The following SCUBE1 variants were observed in gnomAD, a reference collection of about 807,000 sequenced individuals.
SCUBE1 encodes the protein signal peptide, CUB and EGF-like domain-containing protein 1.
In SCUBE1, 59 loss-of-function variants were observed where a neutral mutation model predicts 124.4. The ratio of observed to expected loss-of-function variants is 0.47; its 90% confidence interval spans 0.38 to 0.59. The LOEUF is 0.59. Among genes scored for constraint, SCUBE1 ranks in the 20% least tolerant of loss-of-function variants. SCUBE1 has a pLI of 0.00. For missense variants in SCUBE1, 1,150 were observed against 1,371.2 expected (o/e 0.84, Z 2.55); for synonymous variants, 545 against 550.9 (o/e 0.99, Z 0.15).
Position 43,210,480 on chromosome 22 carries a change from T to G in SCUBE1, c.2384-240A>C, listed in dbSNP as rs1601795742. On this transcript the variant is annotated intron_variant, in intron 18 of 21. Coordinates refer to ENST00000360835, the MANE Select transcript of SCUBE1 (RefSeq NM_173050.5). The surrounding 1 kb of genome is among the most constrained non-coding windows in gnomAD (Gnocchi z 4.5). ...TTCCCTGAGGCCCAGCCTGGGGGCT[T>G]CTTCTTACTGGGCTGCCATGCCTGC... Among the ~76,000 whole-genome samples the G allele has an allele frequency of 3.3e-5, 5 of 152,218 alleles. 1 individual carries two copies. The highest frequency in any genetic ancestry group is 9.6e-5 in the African/African-American group (4 of 41,548).
chr22:43,316,171 C>T (rs1926340972), intron 3 of SCUBE1, among the ~76,000 whole-genome samples: 1 of 152,216 alleles, frequency 6.6e-6, no homozygotes, highest in African/African-American at 2.4e-5. Flanking sequence ...CTCATTTAAT[C>T]CTCACAAGAG....
At chr22:43,318,323 C>T (rs1926423045) in intron 3 of SCUBE1, 1 of 152,060 alleles carries the variant, frequency 6.6e-6, no homozygotes, top group African/African-American at 2.4e-5. Context: ...GTTCCAGAGG[C>T]CTGGGCAATA....
intron 4 of SCUBE1, among the ~76,000 whole-genome samples, chr22:43,285,960 C>T (rs1412742967): frequency 6.6e-6 from 1 of 152,198 alleles, no homozygotes; most frequent in Non-Finnish European, 1.5e-5. Flanking sequence ...CAAAGCTGGC[C>T]TCTTGATCCT....
intron 3 of SCUBE1, 25 bp downstream of exon 3, chr22:43,319,912 G>A: frequency 1.2e-6 from 2 of 1,612,984 alleles, no homozygotes; most frequent in Non-Finnish European, 1.7e-6. Flanking sequence ...GTGCCCAGAG[G>A]GTAGGCTACA....
intron 6 of SCUBE1, among the ~76,000 whole-genome samples, chr22:43,239,571 C>T (rs1922916730): frequency 6.6e-6 from 1 of 152,214 alleles, no homozygotes; most frequent in Non-Finnish European, 1.5e-5. Context: ...CTTTTTTCTC[C>T]AAAATTCAAA....
At chr22:43,229,036 C>CGG in intron 9 of SCUBE1, 36 bp downstream of exon 9, 1 of 1,499,616 alleles carries the variant, frequency 6.7e-7, no homozygotes. Flanking sequence ...GCGCGTGCCT[C>CGG]GGGGGGGAGG....
intron 15 of SCUBE1, among the ~76,000 whole-genome samples, chr22:43,217,739 G>A (rs866678665): frequency 2.6e-5 from 4 of 152,068 alleles, no homozygotes; most frequent in African/African-American, 7.2e-5. Context: ...CCTGTCCTGC[G>A]TCCAGGCTCT....
At position 43,281,530 on chromosome 22, in the gene SCUBE1, C is replaced by T. The variant is rs868254614; in HGVS notation, c.484+9516G>A. On this transcript the variant is annotated intron_variant, in intron 4 of 21. Transcript: ENST00000360835. ...CTCCTCCTCAGCCACCCTCCTGTCA[C>T]CTCCCTCAGTCACCCTCCTGTCACC... Among the ~76,000 whole-genome samples, 117 of 81,800 alleles carry T rather than the reference C, an allele frequency of 1.4e-3. 7 individuals carry two copies. The highest frequency in any genetic ancestry group is 5.7e-3 in the African/African-American group (85 of 14,900). The allele number at this position is 81,800 out of a possible 152,430, so 53.7% of individuals were successfully genotyped here. A position where few individuals can be genotyped will look rare whatever the true frequency, so the allele number is the denominator to read the frequency against.
intron 6 of SCUBE1, among the ~76,000 whole-genome samples, chr22:43,250,838 C>A (rs536468387): frequency 6.6e-6 from 1 of 152,302 alleles, no homozygotes; most frequent in African/African-American, 2.4e-5. Context: ...CTGCTGATGT[C>A]GTGCCCACAG....
At chr22:43,264,058 G>C (rs1484857631) in intron 4 of SCUBE1, among the ~76,000 whole-genome samples, 1 of 152,180 alleles carries the variant, frequency 6.6e-6, no homozygotes, top group Non-Finnish European at 1.5e-5. Context: ...CAATTTACGT[G>C]GGATAAATAC....
At chr22:43,204,220 G>T (rs538026823) in intron 21 of SCUBE1, 71 bp from the exon 22 acceptor site, 36 of 1,435,432 alleles carry the variant, frequency 2.5e-5, no homozygotes, top group Non-Finnish European at 3.3e-5. Context: ...TTGCCAGGCT[G>T]GGGGAGGGGA....
At chr22:43,294,339 G>A (rs755607753) in intron 3 of SCUBE1, among the ~76,000 whole-genome samples, 1 of 152,194 alleles carries the variant, frequency 6.6e-6, no homozygotes, top group Non-Finnish European at 1.5e-5. Context: ...CTTCAAGTGG[G>A]CCCCACACTG....
At position 43,208,135 on chromosome 22, in the gene SCUBE1, G is replaced by A; in HGVS notation, c.2671C>T (p.Gln891Ter). ...CTGTTGCCTTCATTGGATTTGAACT[G>A]GATCCAGAGCTTGCGGGAGCGGGAG... ...FTSRSRKLWI[Q>*]FKSNEGNSGK... The change falls in exon 20 of 22, where the codon CAG becomes TAG. Residue 891 changes from glutamine to a stop codon, truncating the protein, a stop_gained. Coordinates refer to ENST00000360835, the MANE Select transcript of SCUBE1 (RefSeq NM_173050.5). LOFTEE classifies it high-confidence loss of function. 2 of 1,614,158 alleles carry A rather than the reference G, an allele frequency of 1.2e-6. No individual in the cohort carries two copies. The highest frequency in any genetic ancestry group is 1.1e-5 in the South Asian group (1 of 91,084).
At chr22:43,215,914 C>T (rs1301614244) in intron 15 of SCUBE1, among the ~76,000 whole-genome samples, 1 of 143,206 alleles carries the variant, frequency 7.0e-6, no homozygotes, top group African/African-American at 2.9e-5. Context: ...CACACTCACA[C>T]ACATGCACAC....
chr22:43,328,679 C>T (rs1926806074), intron 2 of SCUBE1, among the ~76,000 whole-genome samples: 1 of 152,214 alleles, frequency 6.6e-6, no homozygotes, highest in Admixed American at 6.5e-5. Context: ...TTCTTTCTCT[C>T]ATCTCGGGAT....
Position 43,258,252 on chromosome 22 carries a change from A to T in SCUBE1, c.694T>A (p.Tyr232Asn). The T allele has an allele frequency of 6.2e-7, 1 of 1,613,930 alleles. No homozygotes were observed. The highest frequency in any genetic ancestry group is 8.5e-7 in the Non-Finnish European group (1 of 1,179,910). The change falls in exon 6 of 22, where the codon TAC becomes AAC. Residue 232 changes from tyrosine to asparagine, a missense_variant. Tyr to Asn is a moderately radical substitution (Grantham distance 143). Around this residue, in one of 3 missense-constraint regions of SCUBE1, gnomAD observed 337 missense variants for 482.1 expected, o/e 0.70. Transcript: ENST00000360835. The surrounding 1 kb of genome is among the most constrained non-coding windows in gnomAD (Gnocchi z 5.0). ...TGPTCGCHQK[Y>N]ALHSDGRTCI... ...GTGCGACCGTCTGAGTGGAGGGCGT[A>T]CTTCTGGTGGCAACCACACGTGGGG...
intron 3 of SCUBE1, among the ~76,000 whole-genome samples, chr22:43,314,675 T>C (rs1158749290): frequency 6.6e-6 from 1 of 152,130 alleles, no homozygotes; most frequent in Non-Finnish European, 1.5e-5. Flanking sequence ...TCAGGGTAAA[T>C]GGCCAAAGCT....
Position 43,207,521 on chromosome 22 carries a change from T to C in SCUBE1, c.2814+13A>G, listed in dbSNP as rs1341259916. 6.2e-7 allele frequency: 1 copy of C among 1,605,848 alleles called. No homozygotes were observed. Among genetic ancestry groups the C allele is most frequent in the Non-Finnish European group, 8.5e-7 (1 of 1,172,666 alleles). On this transcript the variant is annotated intron_variant, in intron 21 of 21. Transcript: ENST00000360835. ...CAGGGTTACGTGGATTCCCTTCCAATAAACTCACTCACTTTCAAAATTTCC... is the reference window on the plus strand; with the variant it reads ...CAGGGTTACGTGGATTCCCTTCCAACAAACTCACTCACTTTCAAAATTTCC...
At position 43,343,225 on chromosome 22, in the gene SCUBE1, G is replaced by A. The variant is rs1323349688; in HGVS notation, c.37C>T (p.Leu13=). Residue 13 remains leucine (L), a synonymous_variant, in exon 1 of 22, where the codon CTG becomes TTG. Transcript: ENST00000360835. ...AAAVRWHLCV[L]LALGTRGRLA... Reference sequence around the variant, plus strand: ...CGCCCGCGTGTGCCCAGGGCCAGCAGCACGCACAAGTGCCAGCGCACGGCC... The same window carrying A: ...CGCCCGCGTGTGCCCAGGGCCAGCAACACGCACAAGTGCCAGCGCACGGCC... 8.2e-7 allele frequency: 1 copy of A among 1,213,822 alleles called. No homozygotes were observed. Among genetic ancestry groups the A allele is most frequent in the Non-Finnish European group, 1.0e-6 (1 of 969,064 alleles). The allele number at this position is 1,213,822 out of a possible 1,614,324, so 75.2% of individuals were successfully genotyped here.
Sources: allele counts gnomAD v4.1 joint callset (sites outside exome capture counted in the v4.1 genomes callset), GRCh38; gene constraint gnomAD v4.1.1; regional missense constraint gnomAD v4.1.1; non-coding constraint Gnocchi (gnomAD v3.1); transcripts MANE v1.5; gene names NCBI Gene and HGNC (gene_info 2026-07-23, HGNC 2026-07-21).